Variants in ARL6IP6 observed in about 807,000 individuals in gnomAD.
The protein encoded by ARL6IP6 is ADP-ribosylation factor-like protein 6-interacting protein 6.
A neutral mutation model predicts 21.5 loss-of-function variants in ARL6IP6; 22 were observed. The observed-to-expected ratio is 1.02, with a 90% CI of 0.73 to 1.46. The LOEUF (loss-of-function observed/expected upper bound fraction) is 1.46, where lower values mean the gene tolerates loss of function less well. Among genes scored for constraint, ARL6IP6 ranks in the 40% most tolerant of loss-of-function variants. The pLI is 0.00. For missense variants in ARL6IP6, 388 were observed against 299.8 expected (o/e 1.29, Z -2.17); for synonymous variants, 164 against 125.3 (o/e 1.31, Z -2.06).
At chr2:152,722,870 T>C (rs1192264572) in intron 2 of ARL6IP6, among the ~76,000 whole-genome samples, 1 of 152,216 alleles carries the variant, frequency 6.6e-6, no homozygotes, top group Non-Finnish European at 1.5e-5. Flanking sequence ...ATTGCGCCAC[T>C]GCATTCCATC....
At chr2:152,748,406 G>C (rs1427091261) in intron 3 of ARL6IP6, among the ~76,000 whole-genome samples, 1 of 152,110 alleles carries the variant, frequency 6.6e-6, no homozygotes, top group Admixed American at 6.5e-5. Context: ...CCAAGTTTCA[G>C]GTTTAGTGTT....
intron 2 of ARL6IP6, among the ~76,000 whole-genome samples, chr2:152,731,757 C>G (rs1485353116): frequency 2.0e-5 from 3 of 152,052 alleles, no homozygotes; most frequent in African/African-American, 7.2e-5. Flanking sequence ...CTCAGAGAAC[C>G]AATGTTAAAT....
Position 152,761,074 on chromosome 2 carries a change from G to C in ARL6IP6, c.*1234G>C, listed in dbSNP as rs1220217831. ...ACTTACAATAAGAAACCATTAAGTAGTCAAACTGCTTATTCAGGCTAAGTG... is the reference window on the plus strand; with the variant it reads ...ACTTACAATAAGAAACCATTAAGTACTCAAACTGCTTATTCAGGCTAAGTG... On this transcript the variant is annotated 3_prime_UTR_variant, in exon 4 of 4. Transcript: ENST00000326446. 2.0e-5 allele frequency: 3 copies of C among 152,166 alleles called. No individual in the cohort carries two copies. Among genetic ancestry groups the C allele is most frequent in the Admixed American group, 1.3e-4 (2 of 15,276 alleles). 9.4% of individuals were successfully genotyped at this position (152,166 alleles called of 1,614,324 possible).
intron 2 of ARL6IP6, among the ~76,000 whole-genome samples, chr2:152,729,915 A>C (rs1193204855): frequency 6.6e-6 from 1 of 152,184 alleles, no homozygotes; most frequent in East Asian, 1.9e-4. Flanking sequence ...CTTATAAAAC[A>C]TCAAAATTTT....
chr2:152,730,938 A>G (rs1700280992), intron 2 of ARL6IP6, among the ~76,000 whole-genome samples: 1 of 152,194 alleles, frequency 6.6e-6, no homozygotes, highest in Non-Finnish European at 1.5e-5. Context: ...TTACACACAT[A>G]AGTGCAAACA....
At position 152,729,895 on chromosome 2, in the gene ARL6IP6, TTTC is replaced by T. The variant is rs531650019; in HGVS notation, c.455-5097_455-5095del. On this transcript the variant is annotated intron_variant, in intron 2 of 3. Transcript: ENST00000326446. Reference sequence around the variant, plus strand: ...ATATTCTTTTTAAAGTTGTTAATTCTTTCTAAGGGCTTATAAAACATCAAAATT... The same window carrying T: ...ATATTCTTTTTAAAGTTGTTAATTCTTAAGGGCTTATAAAACATCAAAATT... Among the ~76,000 whole-genome samples the T allele has an allele frequency of 8.1e-3, 7 of 866 alleles. No individual in the cohort carries two copies. In the South Asian group the frequency reaches 0.32, roughly 39 times the overall value. The allele number at this position is 866 out of a possible 152,430, so 0.6% of individuals were successfully genotyped here.
chr2:152,726,204 G>T (rs1233754698), intron 2 of ARL6IP6, among the ~76,000 whole-genome samples: 1 of 152,036 alleles, frequency 6.6e-6, no homozygotes, highest in Non-Finnish European at 1.5e-5. Flanking sequence ...GGAACTACAG[G>T]TGTTATTTAT....
At chr2:152,722,348 A>C (rs1699829394) in intron 2 of ARL6IP6, among the ~76,000 whole-genome samples, 1 of 152,230 alleles carries the variant, frequency 6.6e-6, no homozygotes, top group Non-Finnish European at 1.5e-5. Flanking sequence ...GGTGAAAAAA[A>C]CCCAACAGCT....
At chr2:152,717,865 G>GGTAA (rs1202054086), upstream of ARL6IP6, 58 of 1,082,872 alleles carry the variant, frequency 5.4e-5, no homozygotes, top group Middle Eastern at 8.7e-4. Context: ...AGGGGGCGGG[G>GGTAA]GTAAGCAGCC....
intron 3 of ARL6IP6, among the ~76,000 whole-genome samples, chr2:152,737,631 C>T (rs1001139485): frequency 1.3e-5 from 2 of 152,148 alleles, no homozygotes; most frequent in African/African-American, 4.8e-5. Context: ...TATATGATGG[C>T]AGGCAAGAGA....
At chr2:152,733,572 A>G (rs1438883897) in intron 2 of ARL6IP6, among the ~76,000 whole-genome samples, 15 of 152,060 alleles carry the variant, frequency 9.9e-5, no homozygotes, top group Admixed American at 7.9e-4. Flanking sequence ...CCTGTCGTCT[A>G]TTTGTATATC....
chr2:152,719,918 G>T (rs1379930661), intron 1 of ARL6IP6: 1 of 463,986 alleles, frequency 2.2e-6, no homozygotes, highest in African/African-American at 2.1e-5. Context: ...GCTACAGATG[G>T]CATGGCATCT....
At chr2:152,719,323 A>G (rs2105070232) in intron 1 of ARL6IP6, among the ~76,000 whole-genome samples, 1 of 152,322 alleles carries the variant, frequency 6.6e-6, no homozygotes, top group Admixed American at 6.5e-5. Context: ...AAGATTAAAC[A>G]AAATGCGAAA....
intron 3 of ARL6IP6, among the ~76,000 whole-genome samples, chr2:152,737,125 T>A (rs550710054): frequency 6.6e-6 from 1 of 152,314 alleles, no homozygotes; most frequent in Admixed American, 6.5e-5. Context: ...TACCCTACTT[T>A]TCCAACCTCA....
chr2:152,719,975 T>C lies in ARL6IP6; in HGVS notation c.401-558T>C, dbSNP rs183696101. The C allele has an allele frequency of 5.3e-3, 1,397 of 266,038 alleles. 1 individual carries two copies. The highest frequency in any genetic ancestry group is 9.2e-3 in the Non-Finnish European group (1,184 of 128,650). 16.5% of individuals were successfully genotyped at this position (266,038 alleles called of 1,614,324 possible). A position where few individuals can be genotyped will look rare whatever the true frequency, so the allele number is the denominator to read the frequency against. On this transcript the variant is annotated intron_variant, in intron 1 of 3. Coordinates refer to ENST00000326446, the MANE Select transcript of ARL6IP6 (RefSeq NM_152522.7). ...TTCATACAGAAGACACTTTGGCCAG[T>C]TGATGTGGGTTTTACCTCTTCATAA... is the stretch of plus-strand genomic sequence containing the variant.
chr2:152,726,566 A>G (rs973542292), intron 2 of ARL6IP6, among the ~76,000 whole-genome samples: 13 of 152,254 alleles, frequency 8.5e-5, no homozygotes, highest in South Asian at 2.1e-4. Flanking sequence ...TATAGAATCT[A>G]ATAAAGTTGA....
At chr2:152,752,710 C>T (rs1701395842) in intron 3 of ARL6IP6, among the ~76,000 whole-genome samples, 1 of 152,098 alleles carries the variant, frequency 6.6e-6, no homozygotes, top group Non-Finnish European at 1.5e-5. Context: ...TGAATAGGCA[C>T]CCTATGCAGG....
chr2:152,741,286 G>A (rs1700796059), intron 3 of ARL6IP6, among the ~76,000 whole-genome samples: 1 of 151,906 alleles, frequency 6.6e-6, no homozygotes, highest in South Asian at 2.1e-4. Flanking sequence ...TTTAAAAATT[G>A]AAATTGGGAT....
chr2:152,727,921 G>A (rs912264988), intron 2 of ARL6IP6, among the ~76,000 whole-genome samples: 14 of 152,160 alleles, frequency 9.2e-5, no homozygotes, highest in Admixed American at 7.2e-4. Context: ...ATCATAAAAT[G>A]CATTAGTTAC....
Sources: allele counts gnomAD v4.1 joint callset (sites outside exome capture counted in the v4.1 genomes callset), GRCh38; gene constraint gnomAD v4.1.1; transcripts MANE v1.5; gene names NCBI Gene and HGNC (gene_info 2026-07-23, HGNC 2026-07-21).